Variants in CSMD3 observed in about 807,000 individuals in gnomAD.
CSMD3 encodes CUB and Sushi multiple domains 3.
In CSMD3, 177 loss-of-function variants were observed where a neutral mutation model predicts 435.2. That is an observed-to-expected ratio of 0.41 (90% CI 0.36 to 0.46). The LOEUF is 0.46. Ranked by LOEUF, CSMD3 falls within the 20% of genes least tolerant of loss-of-function variation. The pLI is 0.34. For missense variants in CSMD3, 4,265 were observed against 4,504.6 expected, an observed-to-expected ratio of 0.95 and a Z score of 1.52; for synonymous variants, 1,656 against 1,520.5, an observed-to-expected ratio of 1.09 and a Z score of -2.07.
rs563570096 is a variant in CSMD3, at chr8:112,484,245, C to A, written c.5278+8244G>T. Among the ~76,000 whole-genome samples the A allele has an allele frequency of 2.6e-5, 4 of 152,152 alleles. 1 individual carries two copies. In the South Asian group the frequency reaches 8.3e-4, roughly 32 times the overall value. On this transcript the variant is annotated intron_variant, in intron 31 of 70. Coordinates refer to ENST00000297405, the MANE Select transcript of CSMD3 (RefSeq NM_198123.2). Reference sequence around the variant, plus strand: ...TTTTTCTAACTGAATTTTAGCATTTCTCTTAATTACAAATGTAGGCAACAA... The same window carrying A: ...TTTTTCTAACTGAATTTTAGCATTTATCTTAATTACAAATGTAGGCAACAA...
chr8:112,277,417 T>C (rs562173939), intron 59 of CSMD3, among the ~76,000 whole-genome samples: 1 of 152,268 alleles, frequency 6.6e-6, no homozygotes, highest in South Asian at 2.1e-4. Context: ...TCTGAAACTA[T>C]CTCAGCCTGG....
chr8:112,701,702 C>T (rs1202269869), intron 13 of CSMD3, among the ~76,000 whole-genome samples: 1 of 152,096 alleles, frequency 6.6e-6, no homozygotes, highest in Admixed American at 6.6e-5. Flanking sequence ...ACTTCCTTAC[C>T]ATAGAGGGCC....
intron 13 of CSMD3, among the ~76,000 whole-genome samples, chr8:112,749,472 A>C (rs1377377981): frequency 6.6e-6 from 1 of 152,156 alleles, no homozygotes; most frequent in Non-Finnish European, 1.5e-5. Flanking sequence ...CTAGGATAAC[A>C]GAATAGCCAT....
At position 112,689,952 on chromosome 8, in the gene CSMD3, G is replaced by C. The variant is rs2131824473; in HGVS notation, c.2071C>G (p.Gln691Glu). 1 of 1,613,130 alleles carries C rather than the reference G, an allele frequency of 6.2e-7. No homozygotes were observed. ...TCTCCAATTAATTCAAACCCAAACT[G>C]GCATTCAAACCTTAAAACATCACGA... is the stretch of plus-strand genomic sequence containing the variant. The part of the protein sequence containing the change: ...SNRDVLRFEC[Q>E]FGFELIGEKS... The change falls in exon 14 of 71, where the codon CAG (glutamine) becomes GAG (glutamate). Residue 691 changes from glutamine (Q) to glutamate (E), a missense_variant. Around this residue, in one of 3 missense-constraint regions of CSMD3, gnomAD observed 279 missense variants for 369.0 expected, o/e 0.76. Transcript: ENST00000297405.
chr8:112,701,292 A>T (rs900293824), intron 13 of CSMD3, among the ~76,000 whole-genome samples: 3 of 152,078 alleles, frequency 2.0e-5, no homozygotes, highest in Non-Finnish European at 2.9e-5. Flanking sequence ...GATTTTTTTG[A>T]AAAGGGGATT....
intron 2 of CSMD3, among the ~76,000 whole-genome samples, chr8:113,289,226 G>C (rs2093667273): frequency 6.6e-6 from 1 of 151,784 alleles, no homozygotes; most frequent in South Asian, 2.1e-4. Flanking sequence ...CTACTCTTGA[G>C]AAAGATGACA....
At chr8:113,419,575 G>A (rs775773330) in intron 1 of CSMD3, among the ~76,000 whole-genome samples, 14 of 152,118 alleles carry the variant, frequency 9.2e-5, no homozygotes, top group Non-Finnish European at 1.9e-4. Context: ...GCATATTAGA[G>A]TCCTTGGGTC....
In CSMD3 at chr8:112,993,439, T is replaced by C. The variant is rs1157511441; in HGVS notation, c.1031-17291A>G. On this transcript the variant is annotated intron_variant, in intron 6 of 70. Transcript: ENST00000297405. Reference sequence around the variant, plus strand: ...AGTATGATATTCCCACAGAATGGCATGCGTTGGATTCTTTATTGAATTAAG... The same window carrying C: ...AGTATGATATTCCCACAGAATGGCACGCGTTGGATTCTTTATTGAATTAAG... Among the ~76,000 whole-genome samples, 5 of 151,962 alleles carry C rather than the reference T, an allele frequency of 3.3e-5. No homozygotes were observed. In the East Asian group the frequency reaches 9.7e-4, roughly 29 times the overall value.
intron 1 of CSMD3, among the ~76,000 whole-genome samples, chr8:113,332,540 AAAG>A (rs1277922069): frequency 9.9e-5 from 15 of 151,720 alleles, no homozygotes; most frequent in African/African-American, 1.9e-4. Flanking sequence ...ACAATAGTGC[AAAG>A]AAGAATATTT....
intron 32 of CSMD3, among the ~76,000 whole-genome samples, chr8:112,452,360 A>G (rs1334485728): frequency 6.6e-6 from 1 of 152,230 alleles, no homozygotes; most frequent in Non-Finnish European, 1.5e-5. Flanking sequence ...GAATAATAAA[A>G]TAATTGATGT....
At chr8:112,435,633 T>A (rs1482224853) in intron 32 of CSMD3, among the ~76,000 whole-genome samples, 1 of 152,080 alleles carries the variant, frequency 6.6e-6, no homozygotes, top group Non-Finnish European at 1.5e-5. Flanking sequence ...TAACTTAAAA[T>A]GTTTTTTGGT....
chr8:112,407,469 A>G (rs1831959605), intron 34 of CSMD3, among the ~76,000 whole-genome samples: 1 of 152,030 alleles, frequency 6.6e-6, no homozygotes, highest in African/African-American at 2.4e-5. Context: ...TAGCCCAAAA[A>G]ATGATATGAT....
chr8:113,358,567 G>C (rs909767429), intron 1 of CSMD3, among the ~76,000 whole-genome samples: 26 of 152,124 alleles, frequency 1.7e-4, no homozygotes, highest in Admixed American at 1.4e-3. Flanking sequence ...TGATTAGGCT[G>C]GTCTCGATAA....
At chr8:112,887,707 ATTAC>A (rs760466915) in intron 10 of CSMD3, among the ~76,000 whole-genome samples, 65 of 149,910 alleles carry the variant, frequency 4.3e-4, no homozygotes, top group Non-Finnish European at 8.7e-4. Flanking sequence ...TAAATGGTTG[ATTAC>A]TTAAACTATT....
At chr8:112,686,174 G>A (rs759080641) in intron 14 of CSMD3, among the ~76,000 whole-genome samples, 21 of 152,148 alleles carry the variant, frequency 1.4e-4, no homozygotes, top group Admixed American at 5.9e-4. Flanking sequence ...TTATCAATGT[G>A]TGAGTTCCAT....
chr8:113,266,063 C>A (rs2093468170), intron 3 of CSMD3, among the ~76,000 whole-genome samples: 1 of 150,816 alleles, frequency 6.6e-6, no homozygotes, highest in Admixed American at 6.6e-5. Context: ...TTACTAAAAT[C>A]CAACTGTTTT....
intron 16 of CSMD3, among the ~76,000 whole-genome samples, chr8:112,681,176 A>C (rs901683254): frequency 9.2e-5 from 14 of 151,702 alleles, no homozygotes; most frequent in South Asian, 6.2e-4. Flanking sequence ...CTGGGACTAC[A>C]GGCATGTGCC....
chr8:113,334,402 A>G (rs952135544), intron 1 of CSMD3, among the ~76,000 whole-genome samples: 1 of 133,550 alleles, frequency 7.5e-6, no homozygotes, highest in Non-Finnish European at 1.6e-5. Context: ...TCTGGAATAT[A>G]GAACTATCCT....
chr8:113,137,987 A>C (rs1249721840), intron 4 of CSMD3, among the ~76,000 whole-genome samples: 1 of 151,488 alleles, frequency 6.6e-6, no homozygotes, highest in Non-Finnish European at 1.5e-5. Context: ...TTTCCCTCAT[A>C]ACAAACTTAC....
Sources: gnomAD v4.1 joint callset for allele counts (sites outside exome capture counted in the v4.1 genomes callset) on GRCh38, gnomAD v4.1.1 for gene constraint, gnomAD v4.1.1 regional missense constraint, MANE v1.5 for transcripts, NCBI Gene and HGNC (gene_info 2026-07-23, HGNC 2026-07-21) for gene names.